Variants in KALRN observed in about 807,000 individuals in gnomAD.
KALRN encodes the protein kalirin RhoGEF kinase.
Under a neutral mutation model 353.7 loss-of-function variants are expected in KALRN, and 70 were observed. The observed-to-expected ratio is 0.20, with a 90% CI of 0.16 to 0.24. The LOEUF is 0.24. Among genes scored for constraint, KALRN ranks in the 10% least tolerant of loss-of-function variants. KALRN has a pLI of 1.00. For synonymous variants in KALRN, 1,391 were observed against 1,434.8 expected, an observed-to-expected ratio of 0.97 and a Z score of 0.69; for missense variants, 2,791 against 3,756.7, an observed-to-expected ratio of 0.74 and a Z score of 6.72.
chr3:124,541,241 G>A (rs1022769873), intron 33 of KALRN, among the ~76,000 whole-genome samples: 36 of 152,090 alleles, frequency 2.4e-4, no homozygotes, highest in Admixed American at 5.9e-4. Flanking sequence ...CTTGAGGTCA[G>A]GAGTTTGAGA....
chr3:124,341,218 C>T (rs965734678), intron 9 of KALRN, among the ~76,000 whole-genome samples: 3 of 152,278 alleles, frequency 2.0e-5, no homozygotes, highest in Non-Finnish European at 4.4e-5. Flanking sequence ...AAAGTCAAGA[C>T]GAGAAACCAA....
rs558495391 is a variant in KALRN at position 124,368,867 on chromosome 3, C to G, written c.1771-15978C>G. Among the ~76,000 whole-genome samples the G allele has an allele frequency of 9.2e-5, 14 of 152,348 alleles. 1 individual carries two copies. The South Asian group carries it at 2.9e-3, about 32-fold the overall frequency. ...TCGCGGTTAGGGGCTGGAGACCGGC[C>G]GGCCAACACAGCGAAACCCCATCTC... On this transcript the variant is annotated intron_variant, in intron 10 of 59. Coordinates refer to ENST00000682506, the MANE Select transcript of KALRN (RefSeq NM_001388419.1).
chr3:124,278,531 C>T (rs895300938), intron 5 of KALRN, among the ~76,000 whole-genome samples: 5 of 150,448 alleles, frequency 3.3e-5, no homozygotes, highest in Non-Finnish European at 4.4e-5. Flanking sequence ...ACTCATTCAT[C>T]AACAGACATT....
rs1273037721 is a variant in KALRN at position 124,697,474 on chromosome 3, A to G, written c.7700-119A>G. The G allele has an allele frequency of 5.1e-5, 49 of 955,834 alleles. No homozygotes were observed. The East Asian group carries it at 1.3e-3, about 26-fold the overall frequency. 59.2% of individuals were successfully genotyped at this position (955,834 alleles called of 1,614,324 possible). A position where few individuals can be genotyped will look rare whatever the true frequency, so the allele number is the denominator to read the frequency against. ...GAGAAAGGTATGCCACTTGGTGGAG[A>G]AGGTCACAGGAAAAAATTGTGACAT... On this transcript the variant is annotated intron_variant, in intron 54 of 59. Coordinates refer to ENST00000682506, the MANE Select transcript of KALRN (RefSeq NM_001388419.1).
chr3:124,132,273 C>G (rs1216991678), intron 1 of KALRN, among the ~76,000 whole-genome samples: 1 of 152,168 alleles, frequency 6.6e-6, no homozygotes, highest in Non-Finnish European at 1.5e-5. Flanking sequence ...GTGGACATGT[C>G]TTGATGAGCA....
At chr3:124,336,954 A>G (rs2081193979) in intron 9 of KALRN, among the ~76,000 whole-genome samples, 1 of 152,086 alleles carries the variant, frequency 6.6e-6, no homozygotes, top group East Asian at 1.9e-4. Context: ...GTTTACAGGA[A>G]TGCTTGTGAT....
chr3:124,246,923 G>A (rs1487908458), intron 3 of KALRN, among the ~76,000 whole-genome samples: 1 of 152,152 alleles, frequency 6.6e-6, no homozygotes, highest in Non-Finnish European at 1.5e-5. Flanking sequence ...AGCATCTGGG[G>A]AAAAGGATGT....
intron 3 of KALRN, among the ~76,000 whole-genome samples, chr3:124,261,997 CAAAG>C (rs1279076160): frequency 6.6e-6 from 1 of 151,936 alleles, no homozygotes; most frequent in Non-Finnish European, 1.5e-5. Context: ...AACTAGTAAT[CAAAG>C]AAATGCAAAT....
intron 7 of KALRN, among the ~76,000 whole-genome samples, chr3:124,327,837 AT>A (rs1171435567): frequency 1.3e-5 from 2 of 152,196 alleles, no homozygotes; most frequent in Non-Finnish European, 1.5e-5. Flanking sequence ...GCAACATGGC[AT>A]AATTAAGAGT....
At chr3:124,697,867 G>T in intron 55 of KALRN, 143 bp downstream of exon 55, 1 of 788,872 alleles carries the variant, frequency 1.3e-6, no homozygotes, top group African/African-American at 1.8e-5. Context: ...TTGCTATATT[G>T]CCCAGGCTGG....
rs187260843 is a variant in KALRN at position 124,287,935 on chromosome 3, G to A, written c.970-10856G>A. The stretch of plus-strand genomic sequence containing the variant: ...GTCACCCAGGCTAGAGTACAGTGGT[G>A]TGATCTCGGCACACTGCAACCTCCA... On this transcript the variant is annotated intron_variant, in intron 5 of 59. Coordinates refer to ENST00000682506, the MANE Select transcript of KALRN (RefSeq NM_001388419.1). Among the ~76,000 whole-genome samples, 9 of 151,448 alleles carry A rather than the reference G, an allele frequency of 5.9e-5. No homozygotes were observed. The East Asian group carries it at 1.7e-3, about 29-fold the overall frequency.
At chr3:124,165,443 T>C (rs562244239) in intron 1 of KALRN, among the ~76,000 whole-genome samples, 1 of 152,028 alleles carries the variant, frequency 6.6e-6, no homozygotes, top group African/African-American at 2.4e-5. Flanking sequence ...GAGAACAAAT[T>C]ACGTTCAATT....
chr3:124,491,184 T>C lies in KALRN; in HGVS notation c.4588-139T>C, dbSNP rs112854916. The C allele has an allele frequency of 8.4e-6, 5 of 594,080 alleles. 1 individual carries two copies. The African/African-American group carries it at 9.3e-5, about 11-fold the overall frequency. The allele number at this position is 594,080 out of a possible 1,614,324, so 36.8% of individuals were successfully genotyped here. ...TCATCCTGGGTAGATGAACAGAATA[T>C]CCAATCTGTTAAAGTTTGATTGACA... is the stretch of plus-strand genomic sequence containing the variant. On this transcript the variant is annotated intron_variant, in intron 30 of 59. Coordinates refer to ENST00000682506, the MANE Select transcript of KALRN (RefSeq NM_001388419.1).
At chr3:124,054,562 C>G (rs542910069) in intron 1 of KALRN, among the ~76,000 whole-genome samples, 1 of 152,200 alleles carries the variant, frequency 6.6e-6, no homozygotes, top group African/African-American at 2.4e-5. Context: ...AGGCCTTTCC[C>G]TAACAGGTAG....
chr3:124,139,229 C>T (rs1019263207), intron 1 of KALRN, among the ~76,000 whole-genome samples: 3 of 152,106 alleles, frequency 2.0e-5, no homozygotes, highest in East Asian at 1.9e-4. Flanking sequence ...CAAAGGGATT[C>T]TGATGTTGAC....
chr3:124,587,546 G>A lies in KALRN; in HGVS notation c.5182+24457G>A, dbSNP rs534735246. Among the ~76,000 whole-genome samples the A allele has an allele frequency of 3.3e-5, 5 of 152,160 alleles. No homozygotes were observed. The South Asian group carries it at 1.0e-3, about 32-fold the overall frequency. On this transcript the variant is annotated intron_variant, in intron 34 of 59. Transcript: ENST00000682506. ...GAGTGGTTGTAATTGTCATCACTAG[G>A]GTCAGAGTCAAGGATTTAGATAAAG...
intron 1 of KALRN, among the ~76,000 whole-genome samples, chr3:124,188,255 G>A (rs759670307): frequency 4.3e-4 from 65 of 152,168 alleles, no homozygotes; most frequent in Non-Finnish European, 7.5e-4. Flanking sequence ...GGTTGGGGGA[G>A]GAGTCTGCAT....
chr3:124,563,113 G>A, intron 34 of KALRN, 24 bp downstream of exon 34: 2 of 1,361,200 alleles, frequency 1.5e-6, no homozygotes, highest in Non-Finnish European at 2.0e-6. Flanking sequence ...GCGGGTGGGA[G>A]GCACAGACCA....
intron 34 of KALRN, among the ~76,000 whole-genome samples, chr3:124,608,299 G>A (rs1410658499): frequency 6.6e-6 from 1 of 152,016 alleles, no homozygotes; most frequent in Non-Finnish European, 1.5e-5. Flanking sequence ...GAGATACCAT[G>A]CCCTGCCACA....
Sources: allele counts gnomAD v4.1 joint callset (sites outside exome capture counted in the v4.1 genomes callset), GRCh38; gene constraint gnomAD v4.1.1; transcripts MANE v1.5; gene names NCBI Gene and HGNC (gene_info 2026-07-23, HGNC 2026-07-21).